The following CSMD1 variants were observed in gnomAD, a reference collection of about 807,000 sequenced individuals.
CSMD1 encodes CUB and sushi domain-containing protein 1.
Under a neutral mutation model 417.5 loss-of-function variants are expected in CSMD1, and 213 were observed. The ratio of observed to expected loss-of-function variants is 0.51; its 90% CI spans 0.46 to 0.57. The LOEUF is 0.57. Among genes scored for constraint, CSMD1 ranks in the 20% least tolerant of loss-of-function variants. The pLI is 0.00. For missense variants in CSMD1, 6,923 were observed against 4,529.7 expected, an observed-to-expected ratio of 1.53 and a Z score of -15.17; for synonymous variants, 2,862 against 1,736.8, an observed-to-expected ratio of 1.65 and a Z score of -16.11.
Position 3,106,635 on chromosome 8 carries a change from A to G in CSMD1, c.6842T>C (p.Phe2281Ser). Residue 2281 changes from phenylalanine (F) to serine (S), a missense_variant, in exon 46 of 70, where the codon TTT (phenylalanine) becomes TCT (serine). By Grantham distance (155) the Phe-to-Ser change is radical. Coordinates refer to ENST00000635120, the MANE Select transcript of CSMD1 (RefSeq NM_033225.6). ...TEDDDFEIGD[F>S]VKYQCHPGYT... ...CCCGGGGTGGCACTGGTACTTCACA[A>G]AATCTCCTAGAAGAGTCAATGCAAC... is the stretch of plus-strand genomic sequence containing the variant. 6.2e-7 allele frequency: 1 copy of G among 1,609,412 alleles called. No individual in the cohort carries two copies. The highest frequency in any genetic ancestry group is 8.5e-7 in the Non-Finnish European group (1 of 1,176,246).
At chr8:4,126,602 T>C (rs904672920) in intron 3 of CSMD1, among the ~76,000 whole-genome samples, 1 of 152,194 alleles carries the variant, frequency 6.6e-6, no homozygotes, top group African/African-American at 2.4e-5. Flanking sequence ...CTGTCTTTCA[T>C]CAATTTATAC....
intron 1 of CSMD1, among the ~76,000 whole-genome samples, chr8:4,766,070 G>T (rs982739586): frequency 4.6e-5 from 7 of 152,134 alleles, no homozygotes; most frequent in African/African-American, 1.4e-4. Flanking sequence ...CTAGCTAGAA[G>T]AAAGACATTT....
At chr8:3,073,170 A>T (rs1563860) in intron 49 of CSMD1, among the ~76,000 whole-genome samples, 92,265 of 152,008 alleles carry the variant, frequency 0.61, 28,299 homozygotes, top group Non-Finnish European at 0.62. Flanking sequence ...AATGACTTGA[A>T]TGCATTTGAT....
chr8:4,338,940 G>GT (rs1369803990), intron 3 of CSMD1, among the ~76,000 whole-genome samples: 1 of 152,060 alleles, frequency 6.6e-6, no homozygotes, highest in Non-Finnish European at 1.5e-5. Context: ...AAGGGTAAGC[G>GT]TATCTGAACA....
intron 51 of CSMD1, among the ~76,000 whole-genome samples, chr8:3,021,518 C>CT (rs889308003): frequency 1.3e-4 from 20 of 152,286 alleles, no homozygotes; most frequent in African/African-American, 3.1e-4. Flanking sequence ...TTACGTTTGC[C>CT]TTTTTTTCAT....
chr8:3,949,811 G>A (rs1811486847), intron 5 of CSMD1: 1 of 425,632 alleles, frequency 2.3e-6, no homozygotes, highest in African/African-American at 2.1e-5. Flanking sequence ...GAAAGCTGGG[G>A]CAATGACCTG....
Position 4,086,127 on chromosome 8 carries a change from A to G in CSMD1, c.416-54028T>C, listed in dbSNP as rs1486079731. Among the ~76,000 whole-genome samples, 7 of 152,330 alleles carry G rather than the reference A, an allele frequency of 4.6e-5. No individual in the cohort carries two copies. In the East Asian group the frequency reaches 1.4e-3, roughly 29 times the overall value. Reference sequence around the variant, plus strand: ...CTAGTTATTCTATGAGGTAGATGTTATTGCTACATTTAAGTTGCAATTTTT... The same window carrying G: ...CTAGTTATTCTATGAGGTAGATGTTGTTGCTACATTTAAGTTGCAATTTTT... On this transcript the variant is annotated intron_variant, in intron 3 of 69. Coordinates refer to ENST00000635120, the MANE Select transcript of CSMD1 (RefSeq NM_033225.6).
At chr8:4,079,463 T>C (rs1405726091) in intron 3 of CSMD1, among the ~76,000 whole-genome samples, 2 of 152,196 alleles carry the variant, frequency 1.3e-5, no homozygotes, top group African/African-American at 4.8e-5. Context: ...TTCTTCTGAG[T>C]TCTATCATCA....
At chr8:4,912,678 T>C (rs570640920) in intron 1 of CSMD1, among the ~76,000 whole-genome samples, 179 of 152,330 alleles carry the variant, frequency 1.2e-3, no homozygotes, top group Non-Finnish European at 2.0e-3. Flanking sequence ...TTTAGCACTT[T>C]CATTTATTTC....
chr8:4,481,913 A>G (rs1294551485), intron 2 of CSMD1, among the ~76,000 whole-genome samples: 1 of 152,150 alleles, frequency 6.6e-6, no homozygotes, highest in Non-Finnish European at 1.5e-5. Flanking sequence ...AAGTGACTTG[A>G]GGTGTGGAAA....
chr8:3,436,784 T>C (rs1814594208), intron 12 of CSMD1, among the ~76,000 whole-genome samples: 1 of 152,186 alleles, frequency 6.6e-6, no homozygotes, highest in Non-Finnish European at 1.5e-5. Context: ...GATATTTTCT[T>C]CTTCTCTTCT....
At chr8:4,430,509 C>G (rs149911719) in intron 2 of CSMD1, among the ~76,000 whole-genome samples, 46 of 152,166 alleles carry the variant, frequency 3.0e-4, no homozygotes, top group Non-Finnish European at 5.6e-4. Flanking sequence ...ACAAAAATTT[C>G]CTCCTAAGAA....
At chr8:3,534,088 G>C (rs1200034901) in intron 10 of CSMD1, among the ~76,000 whole-genome samples, 4 of 152,084 alleles carry the variant, frequency 2.6e-5, no homozygotes, top group Admixed American at 1.3e-4. Context: ...GATTGTTTTA[G>C]TATCTGAGGC....
chr8:4,867,323 G>A (rs989203915), intron 1 of CSMD1, among the ~76,000 whole-genome samples: 2 of 151,986 alleles, frequency 1.3e-5, no homozygotes, highest in African/African-American at 2.4e-5. Flanking sequence ...TTTATATCTT[G>A]TCATTGAAGA....
chr8:3,461,536 AG>A (rs1465060642), intron 12 of CSMD1, among the ~76,000 whole-genome samples: 9 of 152,286 alleles, frequency 5.9e-5, no homozygotes, highest in Admixed American at 2.0e-4. Context: ...CTCTCAAATT[AG>A]GCAATGTGGT....
intron 5 of CSMD1, among the ~76,000 whole-genome samples, chr8:3,903,329 T>TA (rs34629798): frequency 2.0e-5 from 3 of 150,206 alleles, no homozygotes; most frequent in South Asian, 2.1e-4. Flanking sequence ...TCTGTCCAGC[T>TA]AAAAAAAAAA....
At chr8:2,949,888 C>T (rs1802507182) in intron 67 of CSMD1, among the ~76,000 whole-genome samples, 1 of 152,066 alleles carries the variant, frequency 6.6e-6, no homozygotes, top group African/African-American at 2.4e-5. Flanking sequence ...TTAGAACGAG[C>T]AGCGTGGTTA....
rs552157111 is a variant in CSMD1 at position 4,333,655 on chromosome 8, A to G, written c.415+86298T>C. ...ATCTAAATCTAGACACACTGAGAAC[A>G]CATCATTTTATAAGTGCTTTTCTAC... On this transcript the variant is annotated intron_variant, in intron 3 of 69. Coordinates refer to ENST00000635120, the MANE Select transcript of CSMD1 (RefSeq NM_033225.6). Among the ~76,000 whole-genome samples the G allele has an allele frequency of 1.4e-3, 211 of 152,268 alleles. 1 individual carries two copies. The highest frequency in any genetic ancestry group is 2.3e-3 in the Non-Finnish European group (156 of 68,026).
intron 50 of CSMD1, 70 bp downstream of exon 50, chr8:3,052,392 G>T (rs528677230): frequency 2.3e-6 from 3 of 1,283,276 alleles, no homozygotes; most frequent in South Asian, 1.5e-5. Flanking sequence ...GTGGGAACCC[G>T]GACTTCTCCC....
Sources: gnomAD v4.1 joint callset for allele counts (sites outside exome capture counted in the v4.1 genomes callset) on GRCh38, gnomAD v4.1.1 for gene constraint, MANE v1.5 for transcripts, NCBI Gene and HGNC (gene_info 2026-07-23, HGNC 2026-07-21) for gene names.